MLF2: variants seen among roughly 807,000 people sequenced by gnomAD.
MLF2 encodes the protein myeloid leukemia factor 2.
Under a neutral mutation model 31.4 loss-of-function variants are expected in MLF2, and 12 were observed. The ratio of observed to expected loss-of-function variants is 0.38; its 90% CI spans 0.24 to 0.62. The LOEUF (loss-of-function observed/expected upper bound fraction) is 0.62. Ranked by LOEUF, MLF2 falls within the 20% of genes least tolerant of loss-of-function variation. MLF2 has a pLI of 0.58. For missense variants in MLF2, 272 were observed against 359.7 expected (o/e 0.76, Z 1.97); for synonymous variants, 109 against 118.8 (o/e 0.92, Z 0.54).
chr12:6,749,701 C>A lies in MLF2; in HGVS notation c.559+147G>T. 1 of 1,131,916 alleles carries A rather than the reference C, an allele frequency of 8.8e-7. No homozygotes were observed. The highest frequency in any genetic ancestry group is 2.4e-5 in the East Asian group (1 of 41,304). 70.1% of individuals were successfully genotyped at this position (1,131,916 alleles called of 1,614,324 possible). On this transcript the variant is annotated intron_variant, in intron 7 of 8. Transcript: ENST00000203630. The surrounding 1 kb of genome is among the most constrained non-coding windows in gnomAD (Gnocchi z 5.3). ...CTGCACTCCAGCCTGGGCACCTGGG[C>A]AACAAGAGCGAGACTCCATCTCAAA...
In MLF2 at chr12:6,749,103, G is replaced by T; in HGVS notation, c.560-121C>A. ...AGGCTGAGTGTGCGTGCAGGGATGGGTGGGGTGGCAATTCCCTTAGCTCTT... is the reference window on the plus strand; with the variant it reads ...AGGCTGAGTGTGCGTGCAGGGATGGTTGGGGTGGCAATTCCCTTAGCTCTT... On this transcript the variant is annotated intron_variant, in intron 7 of 8. Coordinates refer to ENST00000203630, the MANE Select transcript of MLF2 (RefSeq NM_001382226.1). The surrounding 1 kb of genome is among the most constrained non-coding windows in gnomAD (Gnocchi z 5.3). 1.8e-6 allele frequency: 2 copies of T among 1,090,128 alleles called. No homozygotes were observed. The highest frequency in any genetic ancestry group is 1.3e-6 in the Non-Finnish European group (1 of 788,116). The allele number at this position is 1,090,128 out of a possible 1,614,324, so 67.5% of individuals were successfully genotyped here.
At position 6,750,355 on chromosome 12, in the gene MLF2, G is replaced by T; in HGVS notation, c.271-50C>A. ...GGCTGAATGGGGAGGCATCACCCCT[G>T]GTGAAGGGATTTCACCCTTCAGCTG... On this transcript the variant is annotated intron_variant, in intron 5 of 8. Coordinates refer to ENST00000203630, the MANE Select transcript of MLF2 (RefSeq NM_001382226.1). The surrounding 1 kb of genome is among the most constrained non-coding windows in gnomAD (Gnocchi z 5.3). The T allele has an allele frequency of 6.3e-7, 1 of 1,593,852 alleles. No homozygotes were observed. The highest frequency in any genetic ancestry group is 8.6e-7 in the Non-Finnish European group (1 of 1,168,292).
rs376046815 is a variant in MLF2, at chr12:6,748,894, G to A, written c.648C>T (p.Ser216=). 6 of 1,602,358 alleles carry A rather than the reference G, an allele frequency of 3.7e-6. No individual in the cohort carries two copies. The highest frequency in any genetic ancestry group is 5.1e-6 in the Non-Finnish European group (6 of 1,175,308). The change falls in exon 8 of 9, where the codon TCC becomes TCT. Residue 216 remains serine, a synonymous_variant. Coordinates refer to ENST00000203630, the MANE Select transcript of MLF2 (RefSeq NM_001382226.1). This position sits in a 1 kb window ranked among gnomAD's most constrained non-coding sequence, Gnocchi z 4.6. ...QRPLEFRRLE[S]SGAGGRRAEG... is the part of the protein sequence containing the mutation. ...CCGCCCTTCGTCCCCCAGCCCCTGAGGACTCAAGCCGCCGAAACTCCAGGG... is the reference window on the plus strand; with the variant it reads ...CCGCCCTTCGTCCCCCAGCCCCTGAAGACTCAAGCCGCCGAAACTCCAGGG...
In MLF2 at chr12:6,748,632, T is replaced by G; in HGVS notation, c.*26-85A>C. 1 of 682,046 alleles carries G rather than the reference T, an allele frequency of 1.5e-6. No individual in the cohort carries two copies. Among genetic ancestry groups the G allele is most frequent in the Non-Finnish European group, 2.4e-6 (1 of 420,546 alleles). 42.2% of individuals were successfully genotyped at this position (682,046 alleles called of 1,614,324 possible). On this transcript the variant is annotated intron_variant, in intron 8 of 8. Transcript: ENST00000203630. This position sits in a 1 kb window ranked among gnomAD's most constrained non-coding sequence, Gnocchi z 4.6. ...CCAGGAGTTGGGGTTTAATCCCCTA[T>G]GTCAGTGAGAACATTGTTCTCTTTC... is the stretch of plus-strand genomic sequence containing the variant.
chr12:6,749,766 C>A lies in MLF2; in HGVS notation c.559+82G>T. 1.3e-6 allele frequency: 2 copies of A among 1,546,896 alleles called. No individual in the cohort carries two copies. Among genetic ancestry groups the A allele is most frequent in the East Asian group, 2.3e-5 (1 of 44,138 alleles). On this transcript the variant is annotated intron_variant, in intron 7 of 8. Coordinates refer to ENST00000203630, the MANE Select transcript of MLF2 (RefSeq NM_001382226.1). This position sits in a 1 kb window ranked among gnomAD's most constrained non-coding sequence, Gnocchi z 5.3. ...AATATGGGGCTGACCCAGAGCTTTG[C>A]CCCAGAAGTGTCTATGTGTTAGGGA...
In MLF2 at chr12:6,749,481, G is replaced by A. The variant is rs1452118996; in HGVS notation, c.559+367C>T. ...AATCCCGGCACTTTGGGAGGCCAAC[G>A]GTCGGTGGGTGGATCACAAGGTCAG... On this transcript the variant is annotated intron_variant, in intron 7 of 8. Transcript: ENST00000203630. This position sits in a 1 kb window ranked among gnomAD's most constrained non-coding sequence, Gnocchi z 5.3. 1.3e-5 allele frequency among the ~76,000 whole-genome samples: 2 copies of A among 152,188 alleles called. No individual in the cohort carries two copies. The highest frequency in any genetic ancestry group is 6.5e-5 in the Admixed American group (1 of 15,282).
intron 4 of MLF2, among the ~76,000 whole-genome samples, chr12:6,751,316 C>T: frequency 6.6e-6 from 1 of 151,600 alleles, no homozygotes; most frequent in Non-Finnish European, 1.5e-5. Context: ...CTCCCGGATT[C>T]AAGAGTAGCT....
Position 6,749,705 on chromosome 12 carries a change from A to G in MLF2, c.559+143T>C. 8.5e-7 allele frequency: 1 copy of G among 1,174,608 alleles called. No homozygotes were observed. 72.8% of individuals were successfully genotyped at this position (1,174,608 alleles called of 1,614,324 possible). ...ACTCCAGCCTGGGCACCTGGGCAAC[A>G]AGAGCGAGACTCCATCTCAAAAAAA... On this transcript the variant is annotated intron_variant, in intron 7 of 8. Transcript: ENST00000203630. This position sits in a 1 kb window ranked among gnomAD's most constrained non-coding sequence, Gnocchi z 5.3.
In MLF2 at chr12:6,750,270, G is replaced by T. The variant is rs1185266018; in HGVS notation, c.306C>A (p.Phe102Leu). Reference protein sequence around the residue: ...HMTAGGNCQTFSSSTVISYSN... With the variant: ...HMTAGGNCQTLSSSTVISYSN... ...AGTAGGAGATGACAGTGGAAGATGA[G>T]AAGGTCTGGCAATTGCCTCCAGCTG... The change falls in exon 6 of 9, where the codon TTC becomes TTA. Residue 102 changes from phenylalanine (F) to leucine (L), a missense_variant. Coordinates refer to ENST00000203630, the MANE Select transcript of MLF2 (RefSeq NM_001382226.1). The surrounding 1 kb of genome is among the most constrained non-coding windows in gnomAD (Gnocchi z 5.3). 2 of 1,614,224 alleles carry T rather than the reference G, an allele frequency of 1.2e-6. No individual in the cohort carries two copies. The highest frequency in any genetic ancestry group is 1.7e-6 in the Non-Finnish European group (2 of 1,180,040).
chr12:6,751,885 A>C, intron 3 of MLF2, 40 bp downstream of exon 3: 2 of 1,610,834 alleles, frequency 1.2e-6, no homozygotes, highest in Non-Finnish European at 1.7e-6. Context: ...ACTAACCTCC[A>C]ACCTTTCTTT....
chr12:6,748,571 C>T lies in MLF2; in HGVS notation c.*26-24G>A. The T allele has an allele frequency of 2.2e-6, 1 of 448,006 alleles. No homozygotes were observed. Among genetic ancestry groups the T allele is most frequent in the Non-Finnish European group, 3.9e-6 (1 of 255,836 alleles). 27.8% of individuals were successfully genotyped at this position (448,006 alleles called of 1,614,324 possible). A position where few individuals can be genotyped will look rare whatever the true frequency, so the allele number is the denominator to read the frequency against. On this transcript the variant is annotated intron_variant, in intron 8 of 8. Transcript: ENST00000203630. The surrounding 1 kb of genome is among the most constrained non-coding windows in gnomAD (Gnocchi z 4.6). ...ACCTGGAGGGGGAAAGAGAGAGGAGCACAAGTCAAAAGGAAGAAAAAACTT... is the reference window on the plus strand; with the variant it reads ...ACCTGGAGGGGGAAAGAGAGAGGAGTACAAGTCAAAAGGAAGAAAAAACTT...
chr12:6,748,596 T>C lies in MLF2; in HGVS notation c.*26-49A>G. ...CACAAGTCAAAAGGAAGAAAAAACT[T>C]ACGTTAAGAGCCAGGAGTTGGGGTT... On this transcript the variant is annotated intron_variant, in intron 8 of 8. Coordinates refer to ENST00000203630, the MANE Select transcript of MLF2 (RefSeq NM_001382226.1). This position sits in a 1 kb window ranked among gnomAD's most constrained non-coding sequence, Gnocchi z 4.6. 1 of 488,368 alleles carries C rather than the reference T, an allele frequency of 2.0e-6. No individual in the cohort carries two copies. 30.3% of individuals were successfully genotyped at this position (488,368 alleles called of 1,614,324 possible). A position where few individuals can be genotyped will look rare whatever the true frequency, so the allele number is the denominator to read the frequency against.
In MLF2 at chr12:6,749,000, G is replaced by A; in HGVS notation, c.560-18C>T. ...GGCCTCACCTGGAAAGGACAGAGCG[G>A]ACATGAGGCCTGTGTGCGGCCTGGC... On this transcript the variant is annotated intron_variant, in intron 7 of 8. Coordinates refer to ENST00000203630, the MANE Select transcript of MLF2 (RefSeq NM_001382226.1). The surrounding 1 kb of genome is among the most constrained non-coding windows in gnomAD (Gnocchi z 4.6). 6.4e-7 allele frequency: 1 copy of A among 1,558,732 alleles called. No individual in the cohort carries two copies. The highest frequency in any genetic ancestry group is 8.6e-7 in the Non-Finnish European group (1 of 1,158,290).
In MLF2 at chr12:6,749,120, T is replaced by G. The variant is rs1941571626; in HGVS notation, c.560-138A>C. 1.1e-5 allele frequency: 10 copies of G among 944,524 alleles called. No homozygotes were observed. The highest frequency in any genetic ancestry group is 3.1e-5 in the East Asian group (1 of 31,752). The allele number at this position is 944,524 out of a possible 1,614,324, so 58.5% of individuals were successfully genotyped here. On this transcript the variant is annotated intron_variant, in intron 7 of 8. Coordinates refer to ENST00000203630, the MANE Select transcript of MLF2 (RefSeq NM_001382226.1). The surrounding 1 kb of genome is among the most constrained non-coding windows in gnomAD (Gnocchi z 5.3). ...AGGGATGGGTGGGGTGGCAATTCCC[T>G]TAGCTCTTTTGGTTTCTGCACGGTC...
rs1941571176 is a variant in MLF2, at chr12:6,749,100, T to C, written c.560-118A>G. On this transcript the variant is annotated intron_variant, in intron 7 of 8. Transcript: ENST00000203630. The surrounding 1 kb of genome is among the most constrained non-coding windows in gnomAD (Gnocchi z 5.3). The stretch of plus-strand genomic sequence containing the variant: ...CGAAGGCTGAGTGTGCGTGCAGGGA[T>C]GGGTGGGGTGGCAATTCCCTTAGCT... The C allele has an allele frequency of 9.1e-7, 1 of 1,103,950 alleles. No individual in the cohort carries two copies. The highest frequency in any genetic ancestry group is 3.1e-5 in the East Asian group (1 of 32,552). 68.4% of individuals were successfully genotyped at this position (1,103,950 alleles called of 1,614,324 possible).
Position 6,750,796 on chromosome 12 carries a change from G to A in MLF2, c.217-30C>T, listed in dbSNP as rs1454837594. ...AGGAAAGAGATGGAAAACAGAGTCA[G>A]GAAAGCAAAGTCAGTGTTCAGAGTT... On this transcript the variant is annotated intron_variant, in intron 4 of 8. Coordinates refer to ENST00000203630, the MANE Select transcript of MLF2 (RefSeq NM_001382226.1). The surrounding 1 kb of genome is among the most constrained non-coding windows in gnomAD (Gnocchi z 5.3). 3.1e-6 allele frequency: 5 copies of A among 1,606,374 alleles called. No homozygotes were observed. In the African/African-American group the frequency reaches 4.0e-5, roughly 13 times the overall value.
At position 6,749,106 on chromosome 12, in the gene MLF2, G is replaced by A. The variant is rs1266007216; in HGVS notation, c.560-124C>T. 3 of 1,056,720 alleles carry A rather than the reference G, an allele frequency of 2.8e-6. No homozygotes were observed. The East Asian group carries it at 9.3e-5, about 33-fold the overall frequency. The allele number at this position is 1,056,720 out of a possible 1,614,324, so 65.5% of individuals were successfully genotyped here. On this transcript the variant is annotated intron_variant, in intron 7 of 8. Transcript: ENST00000203630. The surrounding 1 kb of genome is among the most constrained non-coding windows in gnomAD (Gnocchi z 5.3). ...CTGAGTGTGCGTGCAGGGATGGGTG[G>A]GGTGGCAATTCCCTTAGCTCTTTTG... is the stretch of plus-strand genomic sequence containing the variant.
intron 4 of MLF2, 108 bp downstream of exon 4, chr12:6,751,533 G>A: frequency 1.6e-6 from 2 of 1,273,134 alleles, no homozygotes; most frequent in African/African-American, 1.5e-5. Flanking sequence ...AAAAAGAGAA[G>A]ATTCTGGGGT....
At position 6,752,259 on chromosome 12, in the gene MLF2, G is replaced by C; in HGVS notation, c.50+26C>G. On this transcript the variant is annotated intron_variant, in intron 2 of 8. Transcript: ENST00000203630. The surrounding 1 kb of genome is among the most constrained non-coding windows in gnomAD (Gnocchi z 4.6). The stretch of plus-strand genomic sequence containing the variant: ...AACTGCTCAGAGACCTGGAGTGGGA[G>C]AGCTTGAGGGGGAGGGAATACTCAC... 1 of 1,558,252 alleles carries C rather than the reference G, an allele frequency of 6.4e-7. No homozygotes were observed. The highest frequency in any genetic ancestry group is 8.7e-7 in the Non-Finnish European group (1 of 1,150,110).
Sources: allele counts gnomAD v4.1 joint callset (sites outside exome capture counted in the v4.1 genomes callset), GRCh38; gene constraint gnomAD v4.1.1; non-coding constraint Gnocchi (gnomAD v3.1); transcripts MANE v1.5; gene names NCBI Gene and HGNC (gene_info 2026-07-23, HGNC 2026-07-21).